LRIG2: variants seen among roughly 807,000 people sequenced by gnomAD.
The protein encoded by LRIG2 is leucine-rich repeats and immunoglobulin-like domains protein 2.
A neutral mutation model predicts 107.8 loss-of-function variants in LRIG2; 93 were observed. The observed-to-expected ratio is 0.86, with a 90% CI of 0.73 to 1.03. The LOEUF is 1.03. Among genes scored for constraint, LRIG2 ranks in the 50% least tolerant of loss-of-function variants. The pLI is 0.00. For missense variants in LRIG2, 1,226 were observed against 1,296.0 expected (o/e 0.95, Z 0.83); for synonymous variants, 471 against 470.6 (o/e 1.00, Z -0.01).
chr1:113,078,263 G>C (rs891052985), intron 1 of LRIG2, among the ~76,000 whole-genome samples: 2 of 151,260 alleles, frequency 1.3e-5, no homozygotes, highest in Non-Finnish European at 1.5e-5. Flanking sequence ...TTTTCAGATG[G>C]AGTCTTGCTG....
In LRIG2 at chr1:113,110,486, T is replaced by A; in HGVS notation, c.1722T>A (p.Asp574Glu). 9 of 1,613,700 alleles carry A rather than the reference T, an allele frequency of 5.6e-6. No individual in the cohort carries two copies. The highest frequency in any genetic ancestry group is 7.6e-6 in the Non-Finnish European group (9 of 1,179,528). The change falls in exon 13 of 18, where the codon GAT becomes GAA. Residue 574 changes from aspartate to glutamate, a missense_variant. This residue lies in a region of LRIG2 where 642 missense variants were observed against 712.2 expected (regional missense o/e 0.90). Transcript: ENST00000361127. Reference sequence around the variant, plus strand: ...ATCTTTTCAATGTGAATTTCACAGATGAAGGAAAATATCAGTGTATTGTTA... The same window carrying A: ...ATCTTTTCAATGTGAATTTCACAGAAGAAGGAAAATATCAGTGTATTGTTA... ...ILHLFNVNFTDEGKYQCIVTN... is the reference protein window; with the variant it reads ...ILHLFNVNFTEEGKYQCIVTN...
chr1:113,123,727 T>TTTTTTG (rs1437564600), intron 17 of LRIG2, 148 bp from the exon 18 acceptor site: 107 of 597,162 alleles, frequency 1.8e-4, no homozygotes, highest in African/African-American at 4.1e-4. Flanking sequence ...GTGGTGGTTT[T>TTTTTTG]TGTGTGTGTG....
rs1653278952 is a variant in LRIG2, at chr1:113,081,452, G to C, written c.239+7807G>C. Among the ~76,000 whole-genome samples the C allele has an allele frequency of 2.0e-5, 3 of 151,534 alleles. No individual in the cohort carries two copies. In the South Asian group the frequency reaches 6.2e-4, roughly 32 times the overall value. ...GACAGAGTCCTGCTCTGTCGCCCAA[G>C]TAGCTGGGACTACAGGCACGCGCCA... On this transcript the variant is annotated intron_variant, in intron 1 of 17. Coordinates refer to ENST00000361127, the MANE Select transcript of LRIG2 (RefSeq NM_014813.3).
chr1:113,095,728 A>G (rs890123519), intron 6 of LRIG2, 146 bp from the exon 7 acceptor site: 23 of 716,826 alleles, frequency 3.2e-5, no homozygotes, highest in African/African-American at 3.6e-5. Context: ...CTTAAATAAG[A>G]TATTCATTTT....
At chr1:113,096,603 G>A (rs1654079350) in intron 8 of LRIG2, among the ~76,000 whole-genome samples, 1 of 152,194 alleles carries the variant, frequency 6.6e-6, no homozygotes, top group African/African-American at 2.4e-5. Flanking sequence ...AAGCATCAAA[G>A]CATGTCTTAT....
In LRIG2 at chr1:113,100,452, A is replaced by C; in HGVS notation, c.1277A>C (p.Gln426Pro). The change falls in exon 11 of 18, where the codon CAA (glutamine) becomes CCA (proline). Residue 426 changes from glutamine to proline, a missense_variant. Coordinates refer to ENST00000361127, the MANE Select transcript of LRIG2 (RefSeq NM_014813.3). ...AACAATAATGCTATAATGTCTATCC[A>C]AGAAAATGCTTTTTCTCAGACTCAT... ...DLNNNAIMSI[Q>P]ENAFSQTHLK... 6.5e-7 allele frequency: 1 copy of C among 1,540,528 alleles called. No homozygotes were observed. The highest frequency in any genetic ancestry group is 2.3e-5 in the East Asian group (1 of 44,390).
intron 8 of LRIG2, among the ~76,000 whole-genome samples, chr1:113,097,229 G>A (rs1336799378): frequency 6.6e-6 from 1 of 151,546 alleles, no homozygotes; most frequent in Non-Finnish European, 1.5e-5. Context: ...AAATGAAGAG[G>A]TATTTTAATG....
chr1:113,120,179 G>A (rs1435149976), intron 17 of LRIG2, among the ~76,000 whole-genome samples: 2 of 151,928 alleles, frequency 1.3e-5, no homozygotes, highest in African/African-American at 4.8e-5. Context: ...GCCGGGCACA[G>A]TGGCTCACGC....
chr1:113,094,968 T>TTA lies in LRIG2; in HGVS notation c.803+229_803+230dup, dbSNP rs372586532. On this transcript the variant is annotated intron_variant, in intron 6 of 17. Coordinates refer to ENST00000361127, the MANE Select transcript of LRIG2 (RefSeq NM_014813.3). Reference sequence around the variant, plus strand: ...CTTACAAACTTCTCATCTAAAAAGTTTATATATATATATATATTTTTTTTG... The same window carrying TTA: ...CTTACAAACTTCTCATCTAAAAAGTTTATATATATATATATATATTTTTTTTG... Among the ~76,000 whole-genome samples the TTA allele has an allele frequency of 2.3e-3, 243 of 104,662 alleles. 1 individual carries two copies. The highest frequency in any genetic ancestry group is 6.1e-3 in the African/African-American group (203 of 33,372). The allele number at this position is 104,662 out of a possible 152,430, so 68.7% of individuals were successfully genotyped here.
At chr1:113,120,874 A>G (rs900637989) in intron 17 of LRIG2, among the ~76,000 whole-genome samples, 5 of 150,098 alleles carry the variant, frequency 3.3e-5, no homozygotes, top group African/African-American at 1.2e-4. Flanking sequence ...GCTGGAGTCC[A>G]GTGGCGTGAT....
intron 1 of LRIG2, among the ~76,000 whole-genome samples, chr1:113,080,285 C>G (rs915202037): frequency 2.3e-4 from 35 of 152,140 alleles, no homozygotes; most frequent in African/African-American, 8.0e-4. Context: ...TTCCAAAGTG[C>G]TGGGATTACA....
At position 113,110,317 on chromosome 1, in the gene LRIG2, C is replaced by T. The variant is rs769423982; in HGVS notation, c.1553C>T (p.Thr518Met). 37 of 1,613,870 alleles carry T rather than the reference C, an allele frequency of 2.3e-5. No homozygotes were observed. Among genetic ancestry groups the T allele is most frequent in the Middle Eastern group, 1.6e-4 (1 of 6,082 alleles). ...IALRGMNVTL[T>M]CTAVSSSDSP... ...CTAAGAGGCATGAATGTGACTCTGA[C>T]GTGCACTGCAGTGAGCAGCAGTGAT... Residue 518 changes from threonine (T) to methionine (M), a missense_variant, in exon 13 of 18, where the codon ACG (threonine) becomes ATG (methionine). By Grantham distance (81) the Thr-to-Met change is moderately conservative. Around this residue, in one of 3 missense-constraint regions of LRIG2, gnomAD observed 642 missense variants for 712.2 expected, o/e 0.90. Coordinates refer to ENST00000361127, the MANE Select transcript of LRIG2 (RefSeq NM_014813.3).
At chr1:113,101,501 A>G (rs948204949) in intron 11 of LRIG2, among the ~76,000 whole-genome samples, 1 of 152,270 alleles carries the variant, frequency 6.6e-6, no homozygotes, top group Non-Finnish European at 1.5e-5. Flanking sequence ...TGATGAGAAG[A>G]TAAGGATAGA....
In LRIG2 at chr1:113,119,299, G is replaced by C. The variant is rs139116622; in HGVS notation, c.2747G>C (p.Arg916Pro). 13 of 1,614,076 alleles carry C rather than the reference G, an allele frequency of 8.1e-6. No individual in the cohort carries two copies. The highest frequency in any genetic ancestry group is 1.1e-5 in the Non-Finnish European group (13 of 1,180,014). The stretch of plus-strand genomic sequence containing the variant: ...AATGCCAACATCTACTCCAGGACCC[G>C]AGAATACTGTCCATACACCTATATT... ...YDNANIYSRTREYCPYTYIAE... is the reference protein window; with the variant it reads ...YDNANIYSRTPEYCPYTYIAE... Residue 916 changes from arginine (R) to proline (P), a missense_variant, in exon 17 of 18, where the codon CGA becomes CCA. By Grantham distance (103) the Arg-to-Pro change is moderately radical. Around this residue, in one of 3 missense-constraint regions of LRIG2, gnomAD observed 642 missense variants for 712.2 expected, o/e 0.90. Coordinates refer to ENST00000361127, the MANE Select transcript of LRIG2 (RefSeq NM_014813.3).
intron 14 of LRIG2, 37 bp from the exon 15 acceptor site, chr1:113,114,390 C>T (rs746114464): frequency 7.2e-6 from 10 of 1,383,762 alleles, no homozygotes; most frequent in Admixed American, 2.2e-5. Flanking sequence ...AATTGCCTAA[C>T]TTTTCATTTT....
At chr1:113,117,757 A>G (rs1413576922) in intron 16 of LRIG2, among the ~76,000 whole-genome samples, 2 of 152,206 alleles carry the variant, frequency 1.3e-5, no homozygotes, top group Non-Finnish European at 2.9e-5. Context: ...CTGGGATTAC[A>G]GGCATGAGCC....
At chr1:113,084,679 A>G (rs1383772180) in intron 1 of LRIG2, among the ~76,000 whole-genome samples, 1 of 152,228 alleles carries the variant, frequency 6.6e-6, no homozygotes, top group African/African-American at 2.4e-5. Context: ...TAAGATAATC[A>G]CTTGGTTTCC....
At chr1:113,102,580 T>A (rs1474500099) in intron 11 of LRIG2, among the ~76,000 whole-genome samples, 1 of 146,232 alleles carries the variant, frequency 6.8e-6, no homozygotes, top group Non-Finnish European at 1.5e-5. Context: ...TGTCAAGATA[T>A]TTTTTTTTTT....
chr1:113,118,083 C>T (rs1400853762), intron 16 of LRIG2, among the ~76,000 whole-genome samples: 5 of 151,962 alleles, frequency 3.3e-5, no homozygotes, highest in African/African-American at 1.2e-4. Context: ...CCATGCCCGG[C>T]TTATTTTGTA....
Sources: allele counts gnomAD v4.1 joint callset (sites outside exome capture counted in the v4.1 genomes callset), GRCh38; gene constraint gnomAD v4.1.1; regional missense constraint gnomAD v4.1.1; transcripts MANE v1.5; gene names NCBI Gene and HGNC (gene_info 2026-07-23, HGNC 2026-07-21).